Variants in ROBO2 observed in about 807,000 individuals in gnomAD.
ROBO2 encodes roundabout guidance receptor 2, also known as roundabout homolog 2.
ROBO2 carries 53 observed loss-of-function variants against 160.8 expected under a neutral mutation model. The observed-to-expected ratio is 0.33, with a 90% CI of 0.26 to 0.41. The LOEUF is 0.41. Among genes scored for constraint, ROBO2 ranks in the 10% least tolerant of loss-of-function variants. The pLI, the probability that ROBO2 is intolerant of heterozygous loss-of-function variation, is 1.00. For missense variants in ROBO2, 1,577 were observed against 1,722.4 expected (o/e 0.92, Z 1.49); for synonymous variants, 664 against 611.7 (o/e 1.09, Z -1.26).
intron 2 of ROBO2, among the ~76,000 whole-genome samples, chr3:76,003,324 T>G (rs542915448): frequency 6.6e-6 from 1 of 152,270 alleles, no homozygotes; most frequent in South Asian, 2.1e-4. Flanking sequence ...CTCTTTCAAT[T>G]TATACTGTCA....
intron 2 of ROBO2, among the ~76,000 whole-genome samples, chr3:76,210,699 T>A (rs2107317611): frequency 6.6e-6 from 1 of 152,244 alleles, no homozygotes; most frequent in Admixed American, 6.5e-5. Context: ...ATGTGCTTTA[T>A]TTTCAGTAGG....
intron 2 of ROBO2, among the ~76,000 whole-genome samples, chr3:76,337,007 C>A (rs2073936856): frequency 6.6e-6 from 1 of 151,978 alleles, no homozygotes; most frequent in South Asian, 2.1e-4. Flanking sequence ...TCTCTATTTT[C>A]TGGGGCTTTG....
chr3:76,602,210 GTCT>G (rs2087207110), intron 2 of ROBO2, among the ~76,000 whole-genome samples: 1 of 152,032 alleles, frequency 6.6e-6, no homozygotes, highest in Non-Finnish European at 1.5e-5. Context: ...ACATTTTTCT[GTCT>G]TCTTCTGAGA....
intron 9 of ROBO2, among the ~76,000 whole-genome samples, chr3:77,559,121 C>T (rs1047342371): frequency 1.3e-5 from 2 of 152,070 alleles, no homozygotes; most frequent in Non-Finnish European, 2.9e-5. Flanking sequence ...CCCCATATGA[C>T]TACTTGCTTC....
chr3:77,134,115 G>T (rs1053018736), intron 2 of ROBO2, among the ~76,000 whole-genome samples: 1 of 152,034 alleles, frequency 6.6e-6, no homozygotes, highest in African/African-American at 2.4e-5. Context: ...GGCAGAGGTT[G>T]CAGTGAGCCG....
chr3:76,464,580 CA>C (rs201709846), intron 2 of ROBO2, among the ~76,000 whole-genome samples: 23 of 145,566 alleles, frequency 1.6e-4, no homozygotes, highest in African/African-American at 4.5e-4. Flanking sequence ...AGACTAATCT[CA>C]AAAAAAAAAT....
intron 2 of ROBO2, among the ~76,000 whole-genome samples, chr3:76,157,601 G>T (rs1483164354): frequency 6.6e-6 from 1 of 151,956 alleles, no homozygotes; most frequent in Admixed American, 6.6e-5. Flanking sequence ...TTTATGGGGG[G>T]GCTGCAAATG....
rs17014745 is a variant in ROBO2, at chr3:76,810,254, C to T, written c.110-287760C>T. ...CATGTCTTAAAAACAAGGCAGTCAA[C>T]GTCCTAAGGAATTCAGTAACACGGA... is the stretch of plus-strand genomic sequence containing the variant. On this transcript the variant is annotated intron_variant, in intron 2 of 26. Transcript: ENST00000487694. 7.5e-3 allele frequency among the ~76,000 whole-genome samples: 1,146 copies of T among 152,170 alleles called. 16 individuals are homozygous for T. Among genetic ancestry groups the T allele is most frequent in the African/African-American group, 0.026 (1,090 of 41,510 alleles).
chr3:76,622,046 C>T (rs779627549), intron 2 of ROBO2, among the ~76,000 whole-genome samples: 4 of 148,532 alleles, frequency 2.7e-5, no homozygotes, highest in Non-Finnish European at 6.0e-5. Flanking sequence ...GACCTTGTAT[C>T]CTTCTTTGTG....
At chr3:76,681,964 G>A (rs2092574651) in intron 2 of ROBO2, among the ~76,000 whole-genome samples, 1 of 152,210 alleles carries the variant, frequency 6.6e-6, no homozygotes, top group South Asian at 2.1e-4. Context: ...TGACTTGTCT[G>A]GAATTTGAAG....
chr3:75,977,013 A>G (rs921664001), intron 2 of ROBO2, among the ~76,000 whole-genome samples: 1 of 151,646 alleles, frequency 6.6e-6, no homozygotes, highest in African/African-American at 2.4e-5. Context: ...ATTCTCATTT[A>G]TCCCTCCCTT....
intron 2 of ROBO2, among the ~76,000 whole-genome samples, chr3:76,169,704 TTTTG>T (rs1352959683): frequency 1.1e-4 from 16 of 152,124 alleles, no homozygotes; most frequent in Non-Finnish European, 2.1e-4. Flanking sequence ...GTACAGTGGA[TTTTG>T]TTTGACTAAA....
chr3:76,821,591 A>T (rs1043979010), intron 2 of ROBO2, among the ~76,000 whole-genome samples: 1 of 152,036 alleles, frequency 6.6e-6, no homozygotes, highest in Non-Finnish European at 1.5e-5. Flanking sequence ...GAGGGACTTT[A>T]AAGTAAATAT....
chr3:76,834,922 G>A (rs1373358453), intron 2 of ROBO2, among the ~76,000 whole-genome samples: 1 of 151,900 alleles, frequency 6.6e-6, no homozygotes, highest in Non-Finnish European at 1.5e-5. Context: ...GAGTTCCTGT[G>A]GAACAAAGAG....
At chr3:77,462,086 A>C (rs2153572407) in intron 2 of ROBO2, among the ~76,000 whole-genome samples, 1 of 152,344 alleles carries the variant, frequency 6.6e-6, no homozygotes, top group South Asian at 2.1e-4. Context: ...AGAGAAAAAT[A>C]ACTTTTTATA....
At chr3:77,477,647 T>C in intron 3 of ROBO2, 76 bp downstream of exon 3, 1 of 1,321,286 alleles carries the variant, frequency 7.6e-7, no homozygotes, top group Admixed American at 1.8e-5. Context: ...TATTTTATTC[T>C]TTAACATTAT....
intron 2 of ROBO2, among the ~76,000 whole-genome samples, chr3:76,974,627 T>G (rs2059725375): frequency 6.6e-6 from 1 of 152,164 alleles, no homozygotes; most frequent in South Asian, 2.1e-4. Context: ...TCCTACAGTG[T>G]TTAAGGAACC....
rs1241816543 is a variant in ROBO2 at position 76,444,044 on chromosome 3, C to A, written c.109+506442C>A. Reference sequence around the variant, plus strand: ...GCAGTGGCACAATCTTGGCTCACTGCAACCTCTGCCTCCCAGGTTCAAGCG... The same window carrying A: ...GCAGTGGCACAATCTTGGCTCACTGAAACCTCTGCCTCCCAGGTTCAAGCG... On this transcript the variant is annotated intron_variant, in intron 2 of 26. Coordinates refer to the ROBO2 transcript ENST00000487694. Among the ~76,000 whole-genome samples the A allele has an allele frequency of 3.9e-5, 6 of 152,262 alleles. No individual in the cohort carries two copies. In the East Asian group the frequency reaches 7.7e-4, roughly 20 times the overall value.
At chr3:76,557,604 C>A (rs1287543047) in intron 2 of ROBO2, among the ~76,000 whole-genome samples, 1 of 130,368 alleles carries the variant, frequency 7.7e-6, no homozygotes, top group African/African-American at 2.8e-5. Flanking sequence ...TAAAGGGTGC[C>A]TTTTTTTTTT....
Sources: allele counts gnomAD v4.1 joint callset (sites outside exome capture counted in the v4.1 genomes callset), GRCh38; gene constraint gnomAD v4.1.1; transcripts MANE v1.5; gene names NCBI Gene and HGNC (gene_info 2026-07-23, HGNC 2026-07-21).